The following PIK3CD variants were observed in gnomAD, a reference collection of about 807,000 sequenced individuals.
The protein encoded by PIK3CD is phosphatidylinositol-4,5-bisphosphate 3-kinase catalytic subunit delta, also known as phosphatidylinositol 4,5-bisphosphate 3-kinase catalytic subunit delta isoform.
PIK3CD carries 20 observed loss-of-function variants against 122.9 expected under a neutral mutation model. The observed-to-expected ratio is 0.16, with a 90% CI of 0.11 to 0.24. PIK3CD has a LOEUF of 0.24. PIK3CD is among the 10% of genes least tolerant of loss of function. PIK3CD has a pLI of 1.00. For synonymous variants in PIK3CD, 596 were observed against 593.4 expected, an observed-to-expected ratio of 1.00 and a Z score of -0.06; for missense variants, 787 against 1,406.3, an observed-to-expected ratio of 0.56 and a Z score of 7.04.
intron 1 of PIK3CD, among the ~76,000 whole-genome samples, chr1:9,657,516 T>A (rs1258425637): frequency 6.6e-6 from 1 of 152,010 alleles, no homozygotes; most frequent in Non-Finnish European, 1.5e-5. Flanking sequence ...CCCAGCCTCC[T>A]TCCTGCTTTC....
intron 3 of PIK3CD, among the ~76,000 whole-genome samples, chr1:9,711,125 G>A (rs1647037101): frequency 6.6e-6 from 1 of 151,878 alleles, no homozygotes; most frequent in African/African-American, 2.4e-5. Flanking sequence ...AGACAATCTC[G>A]CTCTGTCACC....
intron 23 of PIK3CD, among the ~76,000 whole-genome samples, chr1:9,726,585 C>T (rs912776942): frequency 3.9e-5 from 6 of 152,090 alleles, no homozygotes; most frequent in Non-Finnish European, 5.9e-5. Flanking sequence ...TGGGATGGGG[C>T]GGTGAGGCTG....
rs1646130682 is a variant in PIK3CD, at chr1:9,689,842, G to A, written c.-137-1625G>A. Reference sequence around the variant, plus strand: ...GCCTGGGGCGGGGTGGGCAGGGTCGGTGGAGGCGATCAGGGGTCCGGGGCC... The same window carrying A: ...GCCTGGGGCGGGGTGGGCAGGGTCGATGGAGGCGATCAGGGGTCCGGGGCC... On this transcript the variant is annotated intron_variant, in intron 1 of 23. Coordinates refer to ENST00000377346, the MANE Select transcript of PIK3CD (RefSeq NM_005026.5). This position sits in a 1 kb window ranked among gnomAD's most constrained non-coding sequence, Gnocchi z 6.1. 6.6e-6 allele frequency among the ~76,000 whole-genome samples: 1 copy of A among 151,890 alleles called. No homozygotes were observed. The highest frequency in any genetic ancestry group is 1.9e-4 in the East Asian group (1 of 5,148).
chr1:9,646,345 G>A, the PIK3CD span, among the ~76,000 whole-genome samples: 8 of 152,272 alleles, frequency 5.3e-5, no homozygotes, highest in Non-Finnish European at 8.8e-5. Context: ...ACAGATTCAC[G>A]TGAAAACCAA....
chr1:9,665,543 C>T (rs924983933), intron 1 of PIK3CD, among the ~76,000 whole-genome samples: 2 of 151,784 alleles, frequency 1.3e-5, no homozygotes, highest in African/African-American at 2.4e-5. Flanking sequence ...ACTGCAGCTT[C>T]TATTCTACAC....
At position 9,715,590 on chromosome 1, in the gene PIK3CD, G is replaced by T; in HGVS notation, c.191G>T (p.Gly64Val). The T allele has an allele frequency of 6.2e-7, 1 of 1,613,808 alleles. No homozygotes were observed. The highest frequency in any genetic ancestry group is 1.1e-5 in the South Asian group (1 of 91,092). ...GAGCCGCTCTTCCACATGCTCAGTG[G>T]CCCCGAGGCCTATGTGTTCACCTGC... is the stretch of plus-strand genomic sequence containing the variant. Reference protein sequence around the residue: ...QYEPLFHMLSGPEAYVFTCIN... With the variant: ...QYEPLFHMLSVPEAYVFTCIN... Residue 64 changes from glycine (G) to valine (V), a missense_variant, in exon 4 of 24, where the codon GGC (glycine) becomes GTC (valine). By Grantham distance (109) the Gly-to-Val change is moderately radical. Around this residue, in one of 6 missense-constraint regions of PIK3CD, gnomAD observed 592 missense variants for 920.6 expected, o/e 0.64. Coordinates refer to ENST00000377346, the MANE Select transcript of PIK3CD (RefSeq NM_005026.5). The surrounding 1 kb of genome is among the most constrained non-coding windows in gnomAD (Gnocchi z 4.1).
In PIK3CD at chr1:9,689,595, G is replaced by T. The variant is rs978281445; in HGVS notation, c.-137-1872G>T. Among the ~76,000 whole-genome samples, 1 of 149,390 alleles carries T rather than the reference G, an allele frequency of 6.7e-6. No individual in the cohort carries two copies. Among genetic ancestry groups the T allele is most frequent in the African/African-American group, 2.5e-5 (1 of 40,812 alleles). ...ACCTCGCGCGGCGGGCCTGCCCTCC[G>T]GCCCCCGCCGGCCCCGCGCCGCTGC... On this transcript the variant is annotated intron_variant, in intron 1 of 23. Coordinates refer to ENST00000377346, the MANE Select transcript of PIK3CD (RefSeq NM_005026.5). This position sits in a 1 kb window ranked among gnomAD's most constrained non-coding sequence, Gnocchi z 6.1.
the PIK3CD span, among the ~76,000 whole-genome samples, chr1:9,638,856 C>A: frequency 0.52 from 75,469 of 145,944 alleles, 22,680 homozygotes; most frequent in East Asian, 0.91. Flanking sequence ...GCTCACTGCA[C>A]CCTCTGCTTT....
rs527485165 is a variant in PIK3CD at position 9,719,050 on chromosome 1, A to G, written c.1242+135A>G. 4.8e-6 allele frequency: 4 copies of G among 831,232 alleles called. No individual in the cohort carries two copies. The highest frequency in any genetic ancestry group is 4.5e-5 in the South Asian group (3 of 67,336). The allele number at this position is 831,232 out of a possible 1,614,324, so 51.5% of individuals were successfully genotyped here. A position where few individuals can be genotyped will look rare whatever the true frequency, so the allele number is the denominator to read the frequency against. On this transcript the variant is annotated intron_variant, in intron 9 of 23. Transcript: ENST00000377346. This position sits in a 1 kb window ranked among gnomAD's most constrained non-coding sequence, Gnocchi z 5.5. ...GGTCCTGGGATTGCTTGTGGACCCCAGCCTCCTCACCCACCCTAGTCTGGC... is the reference window on the plus strand; with the variant it reads ...GGTCCTGGGATTGCTTGTGGACCCCGGCCTCCTCACCCACCCTAGTCTGGC...
chr1:9,713,853 C>CT (rs59908140), intron 3 of PIK3CD, among the ~76,000 whole-genome samples: 19,796 of 131,700 alleles, frequency 0.15, 1,690 homozygotes, highest in East Asian at 0.19. Flanking sequence ...TATTTTTATA[C>CT]TTTTTTTTTT....
In PIK3CD at chr1:9,721,242, A is replaced by C; in HGVS notation, c.1805A>C (p.Lys602Thr). 6.2e-7 allele frequency: 1 copy of C among 1,613,260 alleles called. No homozygotes were observed. Among genetic ancestry groups the C allele is most frequent in the Non-Finnish European group, 8.5e-7 (1 of 1,179,968 alleles). The change falls in exon 14 of 24, where the codon AAA (lysine) becomes ACA (threonine). Residue 602 changes from lysine to threonine, a missense_variant. Transcript: ENST00000377346. ...VGSFAIKSLR[K>T]LTDDELFQYL... ...TCCTTCGCCATCAAGTCGCTGCGGA[A>C]ACTGACGTGAGTCCCAGCTGGGCGC... is the stretch of plus-strand genomic sequence containing the variant.
At chr1:9,647,526 C>T (rs1237325639), upstream of PIK3CD, among the ~76,000 whole-genome samples, 4 of 106,700 alleles carry the variant, frequency 3.7e-5, no homozygotes, top group African/African-American at 7.2e-5. Context: ...TTATTAGAGA[C>T]GTGGTCTCAC....
Position 9,710,326 on chromosome 1 carries a change from C to T in PIK3CD, c.-32-98C>T. 1 of 982,750 alleles carries T rather than the reference C, an allele frequency of 1.0e-6. No homozygotes were observed. Among genetic ancestry groups the T allele is most frequent in the South Asian group, 1.3e-5 (1 of 77,776 alleles). 60.9% of individuals were successfully genotyped at this position (982,750 alleles called of 1,614,324 possible). On this transcript the variant is annotated intron_variant, in intron 2 of 23. Transcript: ENST00000377346. This position sits in a 1 kb window ranked among gnomAD's most constrained non-coding sequence, Gnocchi z 4.7. ...GGTCGGGAACTCACTCCTGAGCTTC[C>T]TGCTGTCCAAGGACCCCACTGTTTT...
At chr1:9,638,595 G>A in the PIK3CD span, among the ~76,000 whole-genome samples, 1 of 151,738 alleles carries the variant, frequency 6.6e-6, no homozygotes, top group African/African-American at 2.4e-5. Context: ...AGCGGGGTGT[G>A]GTGGCGGGCG....
intron 1 of PIK3CD, among the ~76,000 whole-genome samples, chr1:9,668,647 T>C (rs1645234622): frequency 6.6e-6 from 1 of 152,096 alleles, no homozygotes; most frequent in Non-Finnish European, 1.5e-5. Flanking sequence ...CTCATTCTTA[T>C]TATATATTAA....
chr1:9,658,271 A>G (rs1208086284), intron 1 of PIK3CD, among the ~76,000 whole-genome samples: 1 of 151,658 alleles, frequency 6.6e-6, no homozygotes, highest in Non-Finnish European at 1.5e-5. Context: ...CTGTAGCCCC[A>G]GCTATGTGGA....
chr1:9,663,037 T>G (rs114010104), intron 1 of PIK3CD, among the ~76,000 whole-genome samples: 2,192 of 152,312 alleles, frequency 0.014, 48 homozygotes, highest in African/African-American at 0.049. Flanking sequence ...GCTGTCTCTC[T>G]GTCCAGCCCA....
chr1:9,654,294 A>G lies in PIK3CD; in HGVS notation c.-138+2492A>G, dbSNP rs763154879. ...GAAAAGCGCGTTTCTGCGTTTCTGC[A>G]GCCTCAGTCCACGCCGCCAGGTCTT... On this transcript the variant is annotated intron_variant, in intron 1 of 23. Transcript: ENST00000377346. 2.5e-5 allele frequency: 34 copies of G among 1,367,614 alleles called. 2 individuals are homozygous for G. The South Asian group carries it at 3.4e-4, about 14-fold the overall frequency. 84.7% of individuals were successfully genotyped at this position (1,367,614 alleles called of 1,614,324 possible). A position where few individuals can be genotyped will look rare whatever the true frequency, so the allele number is the denominator to read the frequency against.
chr1:9,724,449 C>T lies in PIK3CD; in HGVS notation c.2864+28C>T. The T allele has an allele frequency of 6.2e-7, 1 of 1,613,556 alleles. No homozygotes were observed. The highest frequency in any genetic ancestry group is 8.5e-7 in the Non-Finnish European group (1 of 1,179,776). On this transcript the variant is annotated intron_variant, in intron 22 of 23. Transcript: ENST00000377346. This position sits in a 1 kb window ranked among gnomAD's most constrained non-coding sequence, Gnocchi z 7.3. ...GAGAGTGCCTGAGCCCCACCAGATG[C>T]CCCTCGGTGTGGGGCCCCAGGGAAC...
Sources: gnomAD v4.1 joint callset for allele counts (sites outside exome capture counted in the v4.1 genomes callset) on GRCh38, gnomAD v4.1.1 for gene constraint, gnomAD v4.1.1 regional missense constraint, Gnocchi (gnomAD v3.1) non-coding constraint, MANE v1.5 for transcripts, NCBI Gene and HGNC (gene_info 2026-07-23, HGNC 2026-07-21) for gene names.